ZNF385D: variants seen among roughly 807,000 people sequenced by gnomAD.
ZNF385D encodes zinc finger protein 659.
A neutral mutation model predicts 35.8 loss-of-function variants in ZNF385D; 15 were observed. That is an observed-to-expected ratio of 0.42 (90% CI 0.28 to 0.64). ZNF385D has a LOEUF of 0.64. Among genes scored for constraint, ZNF385D ranks in the 30% least tolerant of loss-of-function variants. ZNF385D has a pLI of 0.23. For missense variants in ZNF385D, 474 were observed against 494.6 expected, an observed-to-expected ratio of 0.96 and a Z score of 0.39; for synonymous variants, 212 against 186.8, an observed-to-expected ratio of 1.13 and a Z score of -1.10.
intron 2 of ZNF385D, among the ~76,000 whole-genome samples, chr3:21,657,886 C>G (rs1425510679): frequency 6.6e-6 from 1 of 151,994 alleles, no homozygotes; most frequent in Non-Finnish European, 1.5e-5. Flanking sequence ...ATTTCCGTAG[C>G]TGGAGCAGGT....
At chr3:21,450,272 T>C (rs1406130486) in intron 4 of ZNF385D, among the ~76,000 whole-genome samples, 1 of 152,184 alleles carries the variant, frequency 6.6e-6, no homozygotes, top group African/African-American at 2.4e-5. Context: ...ATTAGGAAAC[T>C]GTGCAAAGAG....
chr3:21,896,725 CA>C (rs1699157415), intron 3 of ZNF385D, among the ~76,000 whole-genome samples: 1 of 151,986 alleles, frequency 6.6e-6, no homozygotes, highest in Non-Finnish European at 1.5e-5. Context: ...TTGGGAGTGT[CA>C]GGGGGTGGGA....
intron 2 of ZNF385D, among the ~76,000 whole-genome samples, chr3:22,279,536 A>ATG (rs1491044351): frequency 1.5e-4 from 21 of 144,090 alleles, no homozygotes; most frequent in African/African-American, 4.9e-4. Context: ...ATATGTACAT[A>ATG]TATATGTATA....
intron 3 of ZNF385D, among the ~76,000 whole-genome samples, chr3:22,059,279 G>C (rs1699571698): frequency 1.3e-5 from 2 of 152,176 alleles, no homozygotes; most frequent in Non-Finnish European, 2.9e-5. Flanking sequence ...AGAAGAAGAA[G>C]ACAGGGCCAC....
At chr3:21,770,465 G>A (rs1224488310) in intron 3 of ZNF385D, among the ~76,000 whole-genome samples, 1 of 152,160 alleles carries the variant, frequency 6.6e-6, no homozygotes, top group African/African-American at 2.4e-5. Flanking sequence ...AGACATTTAT[G>A]CAGCCAAAAG....
At position 21,845,854 on chromosome 3, in the gene ZNF385D, C is replaced by T. The variant is rs541915349; in HGVS notation, c.326-180826G>A. Among the ~76,000 whole-genome samples the T allele has an allele frequency of 6.6e-5, 10 of 152,002 alleles. No homozygotes were observed. In the South Asian group the frequency reaches 8.3e-4, roughly 13 times the overall value. The stretch of plus-strand genomic sequence containing the variant: ...ACATCAATGTCAGATTAAGAAAATA[C>T]GCCTGAATATGGAAAAATATTTAGA... On this transcript the variant is annotated intron_variant, in intron 3 of 5. Coordinates refer to the ZNF385D transcript ENST00000494108.
At chr3:22,260,357 G>A (rs1038841385) in intron 2 of ZNF385D, among the ~76,000 whole-genome samples, 2 of 151,864 alleles carry the variant, frequency 1.3e-5, no homozygotes, top group South Asian at 2.1e-4. Flanking sequence ...GCAGGTGGGC[G>A]GCAAGGGGAG....
At chr3:21,449,067 T>C (rs1041523648) in intron 4 of ZNF385D, among the ~76,000 whole-genome samples, 1 of 119,896 alleles carries the variant, frequency 8.3e-6, no homozygotes, top group African/African-American at 3.7e-5. Flanking sequence ...CAGCTATAAA[T>C]CTAATTATTT....
At chr3:22,262,271 T>C (rs1700671409) in intron 2 of ZNF385D, among the ~76,000 whole-genome samples, 1 of 151,860 alleles carries the variant, frequency 6.6e-6, no homozygotes, top group African/African-American at 2.4e-5. Flanking sequence ...CTAGAGGCCT[T>C]GGGGTCTAAA....
At chr3:21,898,842 C>G (rs1174924559) in intron 3 of ZNF385D, among the ~76,000 whole-genome samples, 1 of 152,044 alleles carries the variant, frequency 6.6e-6, no homozygotes, top group Middle Eastern at 3.2e-3. Context: ...ATCTCTAAAC[C>G]AAAGAAATAA....
At chr3:21,506,641 C>T (rs1299730651) in intron 4 of ZNF385D, among the ~76,000 whole-genome samples, 1 of 152,162 alleles carries the variant, frequency 6.6e-6, no homozygotes, top group Non-Finnish European at 1.5e-5. Context: ...TTTAAAAACA[C>T]TTGCTAGATT....
At chr3:21,543,280 A>G (rs1273297723) in intron 3 of ZNF385D, among the ~76,000 whole-genome samples, 1 of 151,890 alleles carries the variant, frequency 6.6e-6, no homozygotes, top group South Asian at 2.1e-4. Context: ...ACGCCACTCT[A>G]CTCCAGCCTG....
intron 3 of ZNF385D, among the ~76,000 whole-genome samples, chr3:21,541,535 G>A (rs955567365): frequency 6.6e-6 from 1 of 152,078 alleles, no homozygotes; most frequent in African/African-American, 2.4e-5. Flanking sequence ...GGAAGGATAC[G>A]AATGGCCACA....
intron 3 of ZNF385D, among the ~76,000 whole-genome samples, chr3:21,899,130 G>C (rs1173807371): frequency 2.0e-5 from 3 of 152,016 alleles, no homozygotes; most frequent in African/African-American, 7.2e-5. Flanking sequence ...TCACAACTTA[G>C]GCAGGAGGGT....
intron 2 of ZNF385D, among the ~76,000 whole-genome samples, chr3:22,179,121 G>C (rs550757694): frequency 1.3e-4 from 20 of 152,184 alleles, no homozygotes; most frequent in Admixed American, 3.9e-4. Flanking sequence ...GTTCTGTGAA[G>C]AAGGTCATTG....
At chr3:22,073,123 C>G (rs933665022) in intron 3 of ZNF385D, among the ~76,000 whole-genome samples, 4 of 151,984 alleles carry the variant, frequency 2.6e-5, no homozygotes, top group African/African-American at 4.8e-5. Context: ...CCTGGAAAGG[C>G]TGAAGGTGCC....
At chr3:22,278,163 G>C (rs1255855324) in intron 2 of ZNF385D, among the ~76,000 whole-genome samples, 1 of 152,060 alleles carries the variant, frequency 6.6e-6, no homozygotes, top group Non-Finnish European at 1.5e-5. Context: ...GCCTACAACA[G>C]TATCAAGAAG....
chr3:21,746,100 C>G (rs1221944788), intron 1 of ZNF385D, among the ~76,000 whole-genome samples: 1 of 152,158 alleles, frequency 6.6e-6, no homozygotes, highest in Admixed American at 6.5e-5. Flanking sequence ...GTCTTATCAA[C>G]GGAGCGTTCA....
intron 3 of ZNF385D, among the ~76,000 whole-genome samples, chr3:21,924,325 GT>G (rs960705455): frequency 9.9e-5 from 15 of 152,074 alleles, no homozygotes; most frequent in Non-Finnish European, 1.6e-4. Context: ...AGCTTCCTGA[GT>G]TTTTTTTGTC....
Sources: gnomAD v4.1 joint callset for allele counts (sites outside exome capture counted in the v4.1 genomes callset) on GRCh38, gnomAD v4.1.1 for gene constraint, MANE v1.5 for transcripts, NCBI Gene and HGNC (gene_info 2026-07-23, HGNC 2026-07-21) for gene names.